Variants in FBXO42 observed in about 807,000 individuals in gnomAD.
FBXO42 encodes the protein F-box protein 42.
FBXO42 carries 12 observed loss-of-function variants against 71.7 expected under a neutral mutation model. That is an observed-to-expected ratio of 0.17 (90% CI 0.11 to 0.27). The LOEUF is 0.27. FBXO42 is among the 10% of genes least tolerant of loss of function. The pLI is 1.00. For missense variants in FBXO42, 707 were observed against 911.9 expected (o/e 0.78, Z 2.89); for synonymous variants, 325 against 327.5 (o/e 0.99, Z 0.08).
intron 4 of FBXO42, among the ~76,000 whole-genome samples, chr1:16,270,909 G>A (rs2081836655): frequency 6.6e-6 from 1 of 151,164 alleles, no homozygotes; most frequent in Admixed American, 6.6e-5. Context: ...GGGGAAGAAA[G>A]ACAGTGTGAC....
intron 4 of FBXO42, among the ~76,000 whole-genome samples, chr1:16,288,814 C>T (rs550246577): frequency 2.0e-5 from 3 of 151,852 alleles, no homozygotes; most frequent in African/African-American, 4.8e-5. Flanking sequence ...AAAAATTAGC[C>T]TGGTGTGGTG....
intron 3 of FBXO42, among the ~76,000 whole-genome samples, chr1:16,296,813 C>T (rs527787944): frequency 1.6e-4 from 24 of 152,024 alleles, no homozygotes; most frequent in African/African-American, 5.1e-4. Context: ...ACTAGTTACC[C>T]GAGTTCAGAA....
intron 4 of FBXO42, among the ~76,000 whole-genome samples, chr1:16,270,250 C>A (rs928096482): frequency 2.0e-5 from 3 of 152,142 alleles, no homozygotes; most frequent in African/African-American, 4.8e-5. Flanking sequence ...GACCCAAACA[C>A]CTCTTAAAGA....
At chr1:16,276,945 T>C (rs1247261278) in intron 4 of FBXO42, among the ~76,000 whole-genome samples, 2 of 152,178 alleles carry the variant, frequency 1.3e-5, no homozygotes, top group African/African-American at 2.4e-5. Flanking sequence ...TAAGAAAGAA[T>C]AGAAAAGTCT....
intron 3 of FBXO42, among the ~76,000 whole-genome samples, chr1:16,298,762 G>A (rs778767862): frequency 5.3e-5 from 8 of 151,990 alleles, no homozygotes; most frequent in Non-Finnish European, 7.4e-5. Flanking sequence ...CGCTCGCCTC[G>A]GCCTCCCAAA....
chr1:16,304,790 G>A (rs1388492165), intron 3 of FBXO42, among the ~76,000 whole-genome samples: 1 of 151,896 alleles, frequency 6.6e-6, no homozygotes, highest in Non-Finnish European at 1.5e-5. Flanking sequence ...CCAACATGGC[G>A]AAACCCTATC....
intron 4 of FBXO42, chr1:16,293,292 T>C (rs776695030): frequency 6.6e-6 from 1 of 152,236 alleles, no homozygotes; most frequent in African/African-American, 2.4e-5. Context: ...AGCTAATTTT[T>C]GTATTTTTAG....
chr1:16,257,053 C>T lies in FBXO42; in HGVS notation c.503-294G>A, dbSNP rs1008103570. Among the ~76,000 whole-genome samples the T allele has an allele frequency of 1.6e-4, 24 of 152,266 alleles. No individual in the cohort carries two copies. The Middle Eastern group carries it at 0.01, about 65-fold the overall frequency. ...GGATGAGAGTACCTATCTCATAAGG[C>T]TGTTTTGAGTATTAAATAGTATATT... On this transcript the variant is annotated intron_variant, in intron 4 of 9. Transcript: ENST00000375592.
intron 4 of FBXO42, among the ~76,000 whole-genome samples, chr1:16,261,508 T>C (rs1259900302): frequency 1.3e-5 from 2 of 152,208 alleles, no homozygotes; most frequent in African/African-American, 4.8e-5. Context: ...GCATCTTAAA[T>C]AGCTCAACTT....
chr1:16,310,319 C>T (rs1364158085), intron 2 of FBXO42, among the ~76,000 whole-genome samples: 2 of 151,790 alleles, frequency 1.3e-5, no homozygotes, highest in Non-Finnish European at 2.9e-5. Flanking sequence ...TGAGACTGCG[C>T]CACTGAACTC....
chr1:16,326,621 T>C (rs1483202277), intron 1 of FBXO42, among the ~76,000 whole-genome samples: 4 of 149,346 alleles, frequency 2.7e-5, no homozygotes, highest in Non-Finnish European at 5.9e-5. Flanking sequence ...GAGGTAGAGG[T>C]TGCAGTGAGC....
At chr1:16,254,643 T>C (rs1442794104) in intron 6 of FBXO42, among the ~76,000 whole-genome samples, 1 of 152,184 alleles carries the variant, frequency 6.6e-6, no homozygotes, top group Non-Finnish European at 1.5e-5. Flanking sequence ...TGTTTTAAAA[T>C]ATGAAGATGG....
At chr1:16,322,333 T>G (rs913898815) in intron 1 of FBXO42, among the ~76,000 whole-genome samples, 7 of 152,148 alleles carry the variant, frequency 4.6e-5, no homozygotes, top group African/African-American at 1.7e-4. Context: ...ATCCCAGCAC[T>G]TTGGGAGGCT....
At chr1:16,330,461 C>G (rs1022413447) in intron 1 of FBXO42, among the ~76,000 whole-genome samples, 1 of 152,042 alleles carries the variant, frequency 6.6e-6, no homozygotes, top group African/African-American at 2.4e-5. Context: ...GAGCTATGGT[C>G]TTACCACTGC....
intron 4 of FBXO42, among the ~76,000 whole-genome samples, chr1:16,276,315 G>C (rs1003375466): frequency 1.3e-5 from 2 of 149,900 alleles, no homozygotes; most frequent in Non-Finnish European, 3.0e-5. Flanking sequence ...AGGAGGCAGA[G>C]CTTGCAGTAA....
intron 1 of FBXO42, among the ~76,000 whole-genome samples, chr1:16,326,848 C>T (rs745719525): frequency 8.5e-5 from 13 of 152,126 alleles, no homozygotes; most frequent in Admixed American, 7.2e-4. Flanking sequence ...AGATGAGCTA[C>T]ATAAATGTCA....
chr1:16,350,753 A>AG (rs1553156680), intron 1 of FBXO42, among the ~76,000 whole-genome samples: 1,512 of 28,588 alleles, frequency 0.053, 41 homozygotes, highest in Middle Eastern at 0.083. Flanking sequence ...CAAAAAAAAA[A>AG]AAAAAAAGAA....
In FBXO42 at chr1:16,311,059, G is replaced by A. The variant is rs1231838015; in HGVS notation, c.250+4110C>T. On this transcript the variant is annotated intron_variant, in intron 2 of 9. Transcript: ENST00000375592. ...AAATGGGTCAACGCCGGGCACGGTG[G>A]CTCACGCCTGTAATCCCAACACTTT... 4.7e-5 allele frequency among the ~76,000 whole-genome samples: 6 copies of A among 127,248 alleles called. 1 individual carries two copies. The highest frequency in any genetic ancestry group is 1.8e-4 in the African/African-American group (6 of 32,560). The allele number at this position is 127,248 out of a possible 152,430, so 83.5% of individuals were successfully genotyped here. A position where few individuals can be genotyped will look rare whatever the true frequency, so the allele number is the denominator to read the frequency against.
At chr1:16,350,324 A>T (rs898098859) in intron 1 of FBXO42, among the ~76,000 whole-genome samples, 1 of 152,250 alleles carries the variant, frequency 6.6e-6, no homozygotes, top group East Asian at 1.9e-4. Context: ...ATGACTCTTT[A>T]TTAGCAAATT....
Sources: gnomAD v4.1 joint callset for allele counts (sites outside exome capture counted in the v4.1 genomes callset) on GRCh38, gnomAD v4.1.1 for gene constraint, MANE v1.5 for transcripts, NCBI Gene and HGNC (gene_info 2026-07-23, HGNC 2026-07-21) for gene names.